MYO18A: variants seen among roughly 807,000 people sequenced by gnomAD.
MYO18A encodes the protein myosin XVIIIA, also known as unconventional myosin-XVIIIa.
Under a neutral mutation model 235.8 loss-of-function variants are expected in MYO18A, and 78 were observed. The ratio of observed to expected loss-of-function variants is 0.33; its 90% CI spans 0.28 to 0.40. The LOEUF (loss-of-function observed/expected upper bound fraction) is 0.40, where lower values mean the gene tolerates loss of function less well. Among genes scored for constraint, MYO18A ranks in the 10% least tolerant of loss-of-function variants. The probability of loss-of-function intolerance (pLI) is 1.00; values close to 1 mark genes in which losing one functional copy is unlikely to be tolerated. For missense variants in MYO18A, 2,215 were observed against 2,699.3 expected (o/e 0.82, Z 3.98); for synonymous variants, 977 against 1,077.8 (o/e 0.91, Z 1.83).
At chr17:29,116,942 C>T (rs542542821) in intron 10 of MYO18A, among the ~76,000 whole-genome samples, 2 of 151,954 alleles carry the variant, frequency 1.3e-5, no homozygotes, top group Non-Finnish European at 2.9e-5. Flanking sequence ...TCCACATTCT[C>T]GAGAAAACTT....
At chr17:29,078,217 A>G (rs1214976229) in intron 41 of MYO18A, 5 of 152,198 alleles carry the variant, frequency 3.3e-5, no homozygotes, top group African/African-American at 1.2e-4. Context: ...GGGTTTCACC[A>G]TCTTGGCCAG....
chr17:29,075,937 G>A (rs1206350023), intron 41 of MYO18A: 1 of 154,022 alleles, frequency 6.5e-6, no homozygotes, highest in Non-Finnish European at 1.5e-5. Flanking sequence ...GCAAGCAGGA[G>A]TTCCATGTTC....
chr17:29,084,189 AGTGT>A (rs2152730651), intron 40 of MYO18A, among the ~76,000 whole-genome samples: 1 of 152,088 alleles, frequency 6.6e-6, no homozygotes, highest in East Asian at 1.9e-4. Context: ...AGTGTGTGTG[AGTGT>A]GTGTGCATGC....
At chr17:29,090,199 G>C in intron 36 of MYO18A, 101 bp from the exon 37 acceptor site, 1 of 1,344,700 alleles carries the variant, frequency 7.4e-7, no homozygotes, top group Non-Finnish European at 1.0e-6. Flanking sequence ...GAAGGCAAGG[G>C]GAGGGAGGGA....
At chr17:29,148,944 T>G (rs1258721058) in intron 2 of MYO18A, among the ~76,000 whole-genome samples, 1 of 152,172 alleles carries the variant, frequency 6.6e-6, no homozygotes, top group East Asian at 1.9e-4. Context: ...AGCCGGAGCC[T>G]GGGCGGGGCC....
rs937770967 is a variant in MYO18A, at chr17:29,097,955, G to A, written c.3991-56C>T. On this transcript the variant is annotated intron_variant, in intron 25 of 41. Transcript: ENST00000527372. ...TTCCATCCCCTCATACCCACTCCCCGAACCACACAGACCATGATCACATGC... is the reference window on the plus strand; with the variant it reads ...TTCCATCCCCTCATACCCACTCCCCAAACCACACAGACCATGATCACATGC... 3.2e-6 allele frequency: 5 copies of A among 1,576,224 alleles called. No individual in the cohort carries two copies. The South Asian group carries it at 3.5e-5, about 11-fold the overall frequency.
intron 31 of MYO18A, 30 bp from the exon 32 acceptor site, chr17:29,093,457 C>T (rs561029703): frequency 1.4e-5 from 22 of 1,563,616 alleles, no homozygotes; most frequent in East Asian, 2.3e-5. Flanking sequence ...GAGACCCGTC[C>T]GTCCCTTTAG....
At chr17:29,135,393 C>T (rs1434172052) in intron 2 of MYO18A, among the ~76,000 whole-genome samples, 26 of 152,284 alleles carry the variant, frequency 1.7e-4, no homozygotes, top group African/African-American at 6.3e-4. Context: ...TGAGCCACCG[C>T]GCCCGGCCAA....
chr17:29,095,112 CACAG>C, intron 28 of MYO18A, 53 bp from the exon 29 acceptor site: 5 of 1,482,954 alleles, frequency 3.4e-6, no homozygotes, highest in Non-Finnish European at 4.5e-6. Flanking sequence ...GGGTCCCCCA[CACAG>C]ACACTGTCAG....
intron 1 of MYO18A, among the ~76,000 whole-genome samples, chr17:29,177,841 C>T (rs2068566537): frequency 6.6e-6 from 1 of 152,196 alleles, no homozygotes; most frequent in African/African-American, 2.4e-5. Flanking sequence ...CTGCCTGTGG[C>T]GTCCACCCCA....
chr17:29,166,440 C>T lies in MYO18A; in HGVS notation c.501G>A (p.Val167=), dbSNP rs1422117472. The part of the protein sequence containing the change: ...SEHSAAPSPQ[V]EVRTLEGQLV... ...GCTGTCCCTCTAGAGTCCTCACCTC[C>T]ACCTGTGGCGAGGGGGCGGCAGAGT... The change falls in exon 2 of 42, where the codon GTG becomes GTA. Residue 167 remains valine, a synonymous_variant. Coordinates refer to ENST00000527372, the MANE Select transcript of MYO18A (RefSeq NM_078471.4). The T allele has an allele frequency of 2.5e-6, 4 of 1,613,830 alleles. No individual in the cohort carries two copies. Among genetic ancestry groups the T allele is most frequent in the Non-Finnish European group, 3.4e-6 (4 of 1,179,886 alleles).
chr17:29,153,943 T>C (rs1357727733), intron 2 of MYO18A, among the ~76,000 whole-genome samples: 5 of 152,152 alleles, frequency 3.3e-5, no homozygotes, highest in Non-Finnish European at 5.9e-5. Flanking sequence ...CCCAAAGCCC[T>C]GATTAAAGCA....
At chr17:29,087,205 G>C (rs1321838660) in intron 37 of MYO18A, 84 bp from the exon 38 acceptor site, 3 of 1,402,718 alleles carry the variant, frequency 2.1e-6, no homozygotes, top group Non-Finnish European at 2.9e-6. Flanking sequence ...CTCTGGGTGA[G>C]GAGGCCTGGG....
intron 10 of MYO18A, among the ~76,000 whole-genome samples, chr17:29,116,752 A>G (rs1186253069): frequency 2.2e-5 from 1 of 44,934 alleles, no homozygotes; most frequent in Non-Finnish European, 4.3e-5. Context: ...CCCCGCCGGA[A>G]AACACTGGAA....
At chr17:29,174,349 A>T (rs1209236769) in intron 1 of MYO18A, among the ~76,000 whole-genome samples, 2 of 152,024 alleles carry the variant, frequency 1.3e-5, no homozygotes, top group East Asian at 1.9e-4. Flanking sequence ...CTACAAAAAA[A>T]TTTTTTAAAA....
rs145880084 is a variant in MYO18A, at chr17:29,169,437, G to A, written c.-81-2416C>T. Among the ~76,000 whole-genome samples the A allele has an allele frequency of 1.5e-3, 235 of 152,244 alleles. No individual in the cohort carries two copies. In the Middle Eastern group the frequency reaches 0.02, roughly 13 times the overall value. The stretch of plus-strand genomic sequence containing the variant: ...AGGGCCCAAAAGGCACACAGCCAGG[G>A]GCCTTGGCCAGGTAGGTCTGGACTG... On this transcript the variant is annotated intron_variant, in intron 1 of 41. Coordinates refer to ENST00000527372, the MANE Select transcript of MYO18A (RefSeq NM_078471.4).
intron 2 of MYO18A, among the ~76,000 whole-genome samples, chr17:29,142,070 G>A (rs1223933590): frequency 6.6e-6 from 1 of 152,082 alleles, no homozygotes; most frequent in Non-Finnish European, 1.5e-5. Flanking sequence ...TCAGCCTCCC[G>A]AGTAGCTGGG....
chr17:29,098,509 T>C (rs1227373588), intron 23 of MYO18A, 64 bp from the exon 24 acceptor site: 4 of 1,573,338 alleles, frequency 2.5e-6, no homozygotes, highest in African/African-American at 2.7e-5. Flanking sequence ...GCCCTGGGTC[T>C]GCACCCCTGT....
intron 2 of MYO18A, among the ~76,000 whole-genome samples, chr17:29,162,093 CT>C (rs1398755218): frequency 6.6e-6 from 1 of 152,168 alleles, no homozygotes; most frequent in East Asian, 1.9e-4. Context: ...TTGCTCGAGT[CT>C]GAGATGGCTC....
Sources: allele counts gnomAD v4.1 joint callset (sites outside exome capture counted in the v4.1 genomes callset), GRCh38; gene constraint gnomAD v4.1.1; transcripts MANE v1.5; gene names NCBI Gene and HGNC (gene_info 2026-07-23, HGNC 2026-07-21).